The following ADCY2 variants were observed in gnomAD, a reference collection of about 807,000 sequenced individuals.
ADCY2 encodes adenylate cyclase 2.
ADCY2 carries 31 observed loss-of-function variants against 125.2 expected under a neutral mutation model. The ratio of observed to expected loss-of-function variants is 0.25; its 90% confidence interval spans 0.19 to 0.33. The LOEUF (loss-of-function observed/expected upper bound fraction) is 0.33, where lower values mean the gene tolerates loss of function less well. Ranked by LOEUF, ADCY2 falls within the 10% of genes least tolerant of loss-of-function variation. The pLI is 1.00. For synonymous variants in ADCY2, 512 were observed against 548.4 expected (o/e 0.93, Z 0.93); for missense variants, 904 against 1,418.2 (o/e 0.64, Z 5.82).
At chr5:7,704,588 G>A (rs779839098) in intron 7 of ADCY2, among the ~76,000 whole-genome samples, 2 of 152,110 alleles carry the variant, frequency 1.3e-5, no homozygotes, top group African/African-American at 2.4e-5. Flanking sequence ...AACAAAACAT[G>A]TGGCTAGTTG....
rs915612592 is a variant in ADCY2 at position 7,828,767 on chromosome 5, A to T, written c.*1896A>T. ...GATGCCGTAGCGTTTCCGTGAGCTC[A>T]AACTGGCCTTGGTGTAAAATGTGTA... On this transcript the variant is annotated 3_prime_UTR_variant, in exon 25 of 25. Transcript: ENST00000338316. 3 of 152,308 alleles carry T rather than the reference A, an allele frequency of 2.0e-5. No individual in the cohort carries two copies. Among genetic ancestry groups the T allele is most frequent in the Admixed American group, 2.0e-4 (3 of 15,272 alleles). The allele number at this position is 152,308 out of a possible 1,614,324, so 9.4% of individuals were successfully genotyped here.
At chr5:7,688,440 T>TC (rs1039790035) in intron 4 of ADCY2, among the ~76,000 whole-genome samples, 1 of 151,430 alleles carries the variant, frequency 6.6e-6, no homozygotes. Context: ...GCTAATTTTT[T>TC]TTATTTTTAG....
intron 18 of ADCY2, 110 bp downstream of exon 18, chr5:7,773,211 C>A: frequency 8.4e-7 from 1 of 1,188,864 alleles, no homozygotes; most frequent in East Asian, 2.4e-5. Flanking sequence ...ATTGATAAAT[C>A]ATTCTGAGAG....
chr5:7,679,299 G>T (rs1274874109), intron 4 of ADCY2, among the ~76,000 whole-genome samples: 1 of 152,206 alleles, frequency 6.6e-6, no homozygotes, highest in African/African-American at 2.4e-5. Flanking sequence ...GCGGGTCTGA[G>T]GCTGCAGGGT....
intron 2 of ADCY2, among the ~76,000 whole-genome samples, chr5:7,431,480 T>C (rs555777332): frequency 6.6e-6 from 1 of 152,118 alleles, no homozygotes; most frequent in Non-Finnish European, 1.5e-5. Context: ...AGTACCCTTG[T>C]GTTAGAAAAT....
chr5:7,688,375 C>T (rs1054249045), intron 4 of ADCY2, among the ~76,000 whole-genome samples: 23 of 151,780 alleles, frequency 1.5e-4, no homozygotes, highest in Non-Finnish European at 2.8e-4. Context: ...TCAAGTGATT[C>T]TCCTGCCTCA....
intron 4 of ADCY2, chr5:7,654,083 C>T (rs1383175300): frequency 6.6e-6 from 3 of 456,094 alleles, no homozygotes; most frequent in African/African-American, 6.0e-5. Flanking sequence ...ATTTACCACC[C>T]TGAGGCTGGG....
chr5:7,707,889 A>G (rs774815871), intron 9 of ADCY2, 51 bp downstream of exon 9: 5 of 1,577,194 alleles, frequency 3.2e-6, no homozygotes, highest in Non-Finnish European at 2.6e-6. Context: ...GGAGCAAATT[A>G]TTGATATTCA....
At chr5:7,560,517 A>AT (rs202125741) in intron 3 of ADCY2, among the ~76,000 whole-genome samples, 2 of 152,024 alleles carry the variant, frequency 1.3e-5, no homozygotes, top group Admixed American at 6.6e-5. Flanking sequence ...AACTGCCTGC[A>AT]TTTTTTTAAT....
chr5:7,757,562 A>G lies in ADCY2; in HGVS notation c.2070A>G (p.Ile690Met). 1.3e-6 allele frequency: 2 copies of G among 1,515,240 alleles called. No homozygotes were observed. The highest frequency in any genetic ancestry group is 1.2e-5 in the South Asian group (1 of 86,208). 93.9% of individuals were successfully genotyped at this position (1,515,240 alleles called of 1,614,324 possible). Residue 690 changes from isoleucine (I) to methionine (M), a missense_variant, in exon 16 of 25, where the codon ATA (isoleucine) becomes ATG (methionine). Coordinates refer to ENST00000338316, the MANE Select transcript of ADCY2 (RefSeq NM_020546.3). ...TCACGATCATCACCACAGCCATCATATTAATGATGGCCGTGTTCAACATGG... is the reference window on the plus strand; with the variant it reads ...TCACGATCATCACCACAGCCATCATGTTAATGATGGCCGTGTTCAACATGG... ...ISLTIITTAI[I>M]LMMAVFNMFF...
intron 2 of ADCY2, among the ~76,000 whole-genome samples, chr5:7,504,946 C>T (rs557937415): frequency 6.6e-6 from 1 of 152,064 alleles, no homozygotes; most frequent in Non-Finnish European, 1.5e-5. Context: ...GGCACCATCA[C>T]AGCTTACTGC....
At chr5:7,591,164 T>C (rs1411543832) in intron 3 of ADCY2, among the ~76,000 whole-genome samples, 1 of 152,208 alleles carries the variant, frequency 6.6e-6, no homozygotes, top group Non-Finnish European at 1.5e-5. Flanking sequence ...AAGCGTGCAG[T>C]TTACATTTTT....
chr5:7,564,659 G>T (rs1470359772), intron 3 of ADCY2, among the ~76,000 whole-genome samples: 4 of 152,126 alleles, frequency 2.6e-5, no homozygotes, highest in African/African-American at 9.7e-5. Flanking sequence ...TCTAGATTAT[G>T]AACTAGTTTT....
intron 3 of ADCY2, among the ~76,000 whole-genome samples, chr5:7,539,928 C>T (rs1189177718): frequency 2.0e-5 from 3 of 152,208 alleles, no homozygotes; most frequent in African/African-American, 7.2e-5. Context: ...CCTTGACTCT[C>T]TGCTGTTAAA....
At chr5:7,632,165 G>C (rs956040900) in intron 4 of ADCY2, among the ~76,000 whole-genome samples, 1 of 152,106 alleles carries the variant, frequency 6.6e-6, no homozygotes, top group African/African-American at 2.4e-5. Flanking sequence ...TGCAGGGCTG[G>C]GGGATGCGCC....
At chr5:7,412,039 C>A (rs1739738019) in intron 1 of ADCY2, among the ~76,000 whole-genome samples, 1 of 151,348 alleles carries the variant, frequency 6.6e-6, no homozygotes, top group South Asian at 2.1e-4. Context: ...CCCGCCACAG[C>A]ACTCCAGCCT....
At chr5:7,799,542 G>C (rs1744528345) in intron 20 of ADCY2, 1 of 152,300 alleles carries the variant, frequency 6.6e-6, no homozygotes, top group African/African-American at 2.4e-5. Context: ...GCCAAAGAAA[G>C]TGGGTGATCA....
intron 10 of ADCY2, among the ~76,000 whole-genome samples, chr5:7,712,048 T>C (rs921088081): frequency 6.6e-6 from 1 of 152,208 alleles, no homozygotes; most frequent in Non-Finnish European, 1.5e-5. Flanking sequence ...ATAGAGCTCT[T>C]GAATAATACA....
chr5:7,516,474 G>A (rs150235179), intron 2 of ADCY2, among the ~76,000 whole-genome samples: 2 of 152,244 alleles, frequency 1.3e-5, no homozygotes, highest in African/African-American at 4.8e-5. Flanking sequence ...AGGTTTGTGT[G>A]GGTCAGCTGA....
Sources: gnomAD v4.1 joint callset for allele counts (sites outside exome capture counted in the v4.1 genomes callset) on GRCh38, gnomAD v4.1.1 for gene constraint, MANE v1.5 for transcripts, NCBI Gene and HGNC (gene_info 2026-07-23, HGNC 2026-07-21) for gene names.